Variants in DUSP5 observed in about 807,000 individuals in gnomAD.
DUSP5 encodes dual specificity phosphatase 5.
A neutral mutation model predicts 33.6 loss-of-function variants in DUSP5; 22 were observed. That is an observed-to-expected ratio of 0.66 (90% confidence interval 0.47 to 0.94). The LOEUF is 0.94. Among genes scored for constraint, DUSP5 ranks in the 40% least tolerant of loss-of-function variants. The pLI is 0.00. For synonymous variants in DUSP5, 270 were observed against 231.1 expected, an observed-to-expected ratio of 1.17 and a Z score of -1.53; for missense variants, 551 against 522.1, an observed-to-expected ratio of 1.06 and a Z score of -0.54.
At chr10:110,500,088 G>C (rs755969304) in intron 1 of DUSP5, among the ~76,000 whole-genome samples, 12 of 152,148 alleles carry the variant, frequency 7.9e-5, no homozygotes, top group Non-Finnish European at 1.3e-4. Context: ...TTAGAACCCA[G>C]TTCCACTCCC....
intron 2 of DUSP5, 70 bp downstream of exon 2, chr10:110,502,939 C>T (rs1860074078): frequency 6.3e-7 from 1 of 1,585,602 alleles, no homozygotes; most frequent in Non-Finnish European, 8.6e-7. Context: ...CCTTCCTCAG[C>T]ACCTGACTGT....
intron 2 of DUSP5, among the ~76,000 whole-genome samples, chr10:110,506,166 A>G (rs1361467493): frequency 6.6e-6 from 1 of 152,154 alleles, no homozygotes; most frequent in Non-Finnish European, 1.5e-5. Flanking sequence ...TTGGTAGCTC[A>G]TGCCTATAAT....
In DUSP5 at chr10:110,498,472, C is replaced by G; in HGVS notation, c.351C>G (p.Pro117=). Residue 117 remains proline, a synonymous_variant, in exon 1 of 4, where the codon CCC becomes CCG. Transcript: ENST00000369583. ...TCACCTCGCTACTCGCTTGCCTACC[C>G]GCCGGCCCGCGGGTCTACTTCCTCA... The part of the protein sequence containing the change: ...VVLTSLLACL[P]AGPRVYFLKG... 1 of 1,544,136 alleles carries G rather than the reference C, an allele frequency of 6.5e-7. No homozygotes were observed. Among genetic ancestry groups the G allele is most frequent in the Non-Finnish European group, 8.7e-7 (1 of 1,154,578 alleles).
chr10:110,507,501 T>C (rs1401130810), intron 3 of DUSP5, among the ~76,000 whole-genome samples: 1 of 152,218 alleles, frequency 6.6e-6, no homozygotes, highest in African/African-American at 2.4e-5. Context: ...CTAACTGTGC[T>C]TCTACGTAGG....
intron 3 of DUSP5, among the ~76,000 whole-genome samples, chr10:110,508,479 C>T (rs1860146661): frequency 6.6e-6 from 1 of 152,170 alleles, no homozygotes; most frequent in South Asian, 2.1e-4. Context: ...TTTGAAAGCA[C>T]AGGATGCTTT....
rs1860193339 is a variant in DUSP5, at chr10:110,511,480, A to T, written c.*1054A>T. The stretch of plus-strand genomic sequence containing the variant: ...TGAATGTGAAGAAAAGCAGTATGTT[A>T]CTGGTTGTTGTTGTTGTTCTTGTTT... On this transcript the variant is annotated 3_prime_UTR_variant, in exon 4 of 4. Coordinates refer to ENST00000369583, the MANE Select transcript of DUSP5 (RefSeq NM_004419.4). 6.6e-6 allele frequency: 1 copy of T among 151,222 alleles called. No individual in the cohort carries two copies. The highest frequency in any genetic ancestry group is 2.4e-5 in the African/African-American group (1 of 41,346). 9.4% of individuals were successfully genotyped at this position (151,222 alleles called of 1,614,324 possible).
chr10:110,508,946 A>G lies in DUSP5; in HGVS notation c.749-1074A>G, dbSNP rs547376746. ...TTAGATCTTGCAGATTGATTTGCATACTTTGACCTTGGGGCAGGGAAGTGG... is the reference window on the plus strand; with the variant it reads ...TTAGATCTTGCAGATTGATTTGCATGCTTTGACCTTGGGGCAGGGAAGTGG... On this transcript the variant is annotated intron_variant, in intron 3 of 3. Coordinates refer to ENST00000369583, the MANE Select transcript of DUSP5 (RefSeq NM_004419.4). Among the ~76,000 whole-genome samples, 8 of 152,286 alleles carry G rather than the reference A, an allele frequency of 5.3e-5. No homozygotes were observed. The South Asian group carries it at 1.7e-3, about 32-fold the overall frequency.
At chr10:110,506,886 G>T in intron 2 of DUSP5, 49 bp from the exon 3 acceptor site, 28 of 1,550,888 alleles carry the variant, frequency 1.8e-5, no homozygotes, top group African/African-American at 2.7e-5. Context: ...TCTCTCAAAT[G>T]AACAAGCTAA....
intron 2 of DUSP5, among the ~76,000 whole-genome samples, chr10:110,504,752 C>G (rs1245093110): frequency 6.6e-6 from 1 of 152,218 alleles, no homozygotes; most frequent in East Asian, 1.9e-4. Flanking sequence ...TGTGTCTTCC[C>G]CATGGAGAGA....
intron 2 of DUSP5, among the ~76,000 whole-genome samples, chr10:110,506,052 C>CT (rs552054622): frequency 1.3e-5 from 2 of 152,118 alleles, no homozygotes; most frequent in Non-Finnish European, 2.9e-5. Flanking sequence ...AAAAAGCATA[C>CT]TTTTTTGTGG....
chr10:110,503,316 T>A (rs1187043574), intron 2 of DUSP5: 2 of 157,090 alleles, frequency 1.3e-5, no homozygotes, highest in South Asian at 1.9e-4. Context: ...CCTGTCAAGG[T>A]GTGTCTTATT....
At chr10:110,499,230 C>T (rs112559877) in intron 1 of DUSP5, among the ~76,000 whole-genome samples, 90 of 152,258 alleles carry the variant, frequency 5.9e-4, no homozygotes, top group African/African-American at 2.0e-3. Flanking sequence ...ATTCTGCGGC[C>T]TTTGATTTGA....
chr10:110,506,346 C>A (rs1387205228), intron 2 of DUSP5, among the ~76,000 whole-genome samples: 2 of 152,100 alleles, frequency 1.3e-5, no homozygotes, highest in Non-Finnish European at 2.9e-5. Context: ...ACGGTAGGAT[C>A]TCTTCAGCGT....
intron 3 of DUSP5, among the ~76,000 whole-genome samples, chr10:110,509,413 G>A (rs1437754551): frequency 1.3e-5 from 2 of 152,202 alleles, no homozygotes; most frequent in African/African-American, 4.8e-5. Context: ...TGTGTGTTTG[G>A]TGGTGAGAAC....
At chr10:110,505,679 C>G (rs1002306319) in intron 2 of DUSP5, among the ~76,000 whole-genome samples, 3 of 152,164 alleles carry the variant, frequency 2.0e-5, no homozygotes, top group African/African-American at 4.8e-5. Flanking sequence ...GGAAAGGCTC[C>G]CAAAGACACA....
chr10:110,499,630 T>A (rs1234332894), intron 1 of DUSP5, among the ~76,000 whole-genome samples: 3 of 152,208 alleles, frequency 2.0e-5, no homozygotes, highest in Non-Finnish European at 4.4e-5. Context: ...ACAGTTCCCC[T>A]CTCTGCTAGC....
At position 110,507,158 on chromosome 10, in the gene DUSP5, G is replaced by C; in HGVS notation, c.748+4G>C. ...CAAGAAGCAATAGACTTCATTGGTA[G>C]GTTTAGCCATTCCCCTTCAGTTATT... On this transcript the variant is annotated splice_donor_region_variant and intron_variant, in intron 3 of 3. Transcript: ENST00000369583. The C allele has an allele frequency of 6.2e-7, 1 of 1,611,470 alleles. No individual in the cohort carries two copies. The highest frequency in any genetic ancestry group is 8.5e-7 in the Non-Finnish European group (1 of 1,179,302).
chr10:110,498,551 C>G, intron 1 of DUSP5, 51 bp downstream of exon 1: 1 of 1,384,620 alleles, frequency 7.2e-7, no homozygotes, highest in South Asian at 1.6e-5. Flanking sequence ...CCCCCGGGTC[C>G]CCTCCCTGCG....
chr10:110,502,397 A>G (rs1351663192), intron 1 of DUSP5, among the ~76,000 whole-genome samples: 1 of 152,214 alleles, frequency 6.6e-6, no homozygotes, highest in African/African-American at 2.4e-5. Context: ...GAGAGAAAAT[A>G]GCCTTTGTTT....
Sources: allele counts gnomAD v4.1 joint callset (sites outside exome capture counted in the v4.1 genomes callset), GRCh38; gene constraint gnomAD v4.1.1; transcripts MANE v1.5; gene names NCBI Gene and HGNC (gene_info 2026-07-23, HGNC 2026-07-21).